Variants in UEVLD observed in about 807,000 individuals in gnomAD.
UEVLD encodes the protein ubiquitin-conjugating enzyme E2 variant 3.
A neutral mutation model predicts 58.6 loss-of-function variants in UEVLD; 47 were observed. The ratio of observed to expected loss-of-function variants is 0.80; its 90% CI spans 0.63 to 1.02. UEVLD has a LOEUF of 1.02. Among genes scored for constraint, UEVLD ranks in the 50% least tolerant of loss-of-function variants. The pLI, the probability that UEVLD is intolerant of heterozygous loss-of-function variation, is 0.00. For synonymous variants in UEVLD, 197 were observed against 195.3 expected, an observed-to-expected ratio of 1.01 and a Z score of -0.07; for missense variants, 510 against 550.6, an observed-to-expected ratio of 0.93 and a Z score of 0.74.
At chr11:18,532,600 TA>T (rs148229574) in intron 11 of UEVLD, 113 bp from the exon 12 acceptor site, 35,528 of 883,724 alleles carry the variant, frequency 0.04, 1,530 homozygotes, top group East Asian at 0.2. Flanking sequence ...AAGTTGGACT[TA>T]AAAAAATTTT....
At chr11:18,560,818 G>A (rs184464498) in intron 6 of UEVLD, among the ~76,000 whole-genome samples, 143 of 152,112 alleles carry the variant, frequency 9.4e-4, no homozygotes, top group African/African-American at 3.3e-3. Flanking sequence ...TGAGAGCCCC[G>A]TAGCCAACAT....
At chr11:18,555,289 G>A (rs971931841) in intron 7 of UEVLD, among the ~76,000 whole-genome samples, 1 of 152,152 alleles carries the variant, frequency 6.6e-6, no homozygotes, top group Non-Finnish European at 1.5e-5. Flanking sequence ...AGCTGGGCAT[G>A]GTGGTGGGCA....
chr11:18,545,716 A>G (rs995260153), intron 8 of UEVLD, among the ~76,000 whole-genome samples: 4 of 152,220 alleles, frequency 2.6e-5, no homozygotes, highest in African/African-American at 9.6e-5. Flanking sequence ...AAGTGCTGTG[A>G]TTACAGGCGT....
chr11:18,536,755 C>CT, intron 9 of UEVLD: 1 of 343,268 alleles, frequency 2.9e-6, no homozygotes. Context: ...ATTTTACTAT[C>CT]TAAGTAGAAA....
intron 7 of UEVLD, among the ~76,000 whole-genome samples, chr11:18,549,473 G>A (rs888977491): frequency 1.5e-4 from 23 of 151,992 alleles, no homozygotes; most frequent in Non-Finnish European, 2.5e-4. Flanking sequence ...CTGGAGTGCA[G>A]TGGTATGCAA....
At chr11:18,577,681 C>A (rs1012523282) in intron 2 of UEVLD, among the ~76,000 whole-genome samples, 7 of 152,046 alleles carry the variant, frequency 4.6e-5, no homozygotes, top group African/African-American at 9.7e-5. Context: ...ACCAGACTGG[C>A]CAACATGGTG....
At position 18,579,528 on chromosome 11, in the gene UEVLD, C is replaced by G. The variant is rs1195755044; in HGVS notation, c.43-720G>C. On this transcript the variant is annotated intron_variant, in intron 1 of 11. Transcript: ENST00000396197. ...CACGGCTCATTCACTTGAGATACCT[C>G]GACTTTCCCCTCCCACCTTCCTGGC... The G allele has an allele frequency of 3.0e-6, 3 of 984,036 alleles. 1 individual carries two copies. In the South Asian group the frequency reaches 1.4e-4, roughly 46 times the overall value. The allele number at this position is 984,036 out of a possible 1,614,324, so 61.0% of individuals were successfully genotyped here.
chr11:18,567,268 A>G (rs1852345363), intron 4 of UEVLD, among the ~76,000 whole-genome samples: 1 of 152,232 alleles, frequency 6.6e-6, no homozygotes, highest in South Asian at 2.1e-4. Flanking sequence ...CAGTGTCATC[A>G]GTAATACAAA....
chr11:18,555,084 G>A (rs1851702458), intron 7 of UEVLD, among the ~76,000 whole-genome samples: 1 of 151,918 alleles, frequency 6.6e-6, no homozygotes, highest in Non-Finnish European at 1.5e-5. Context: ...GAATCCAGGA[G>A]TTCAAGACCA....
At chr11:18,578,622 G>A in intron 2 of UEVLD, 102 bp downstream of exon 2, 1 of 789,892 alleles carries the variant, frequency 1.3e-6, no homozygotes, top group South Asian at 1.5e-5. Context: ...GAAAATCAGA[G>A]GATAAAAGAG....
At chr11:18,559,442 G>T (rs1731679626) in intron 6 of UEVLD, among the ~76,000 whole-genome samples, 1 of 151,914 alleles carries the variant, frequency 6.6e-6, no homozygotes, top group South Asian at 2.1e-4. Flanking sequence ...CAAGTGATCT[G>T]CCTGCCTCGT....
At chr11:18,558,148 G>T in intron 7 of UEVLD, 80 bp downstream of exon 7, 1 of 957,242 alleles carries the variant, frequency 1.0e-6, no homozygotes. Flanking sequence ...TGATCTTTAA[G>T]GTGCTTTTCA....
chr11:18,584,586 A>T (rs1853441751), intron 1 of UEVLD, among the ~76,000 whole-genome samples: 1 of 152,172 alleles, frequency 6.6e-6, no homozygotes, highest in Non-Finnish European at 1.5e-5. Context: ...TCCTGTTTTT[A>T]AAAAATGCTT....
At chr11:18,560,120 CACACACACACACACACACAG>C (rs1386249530) in intron 6 of UEVLD, among the ~76,000 whole-genome samples, 4,934 of 97,544 alleles carry the variant, frequency 0.051, 339 homozygotes, top group African/African-American at 0.15. Flanking sequence ...CACACACACA[CACACACACACACACACACAG>C]AGAGAGAAAG....
intron 1 of UEVLD, among the ~76,000 whole-genome samples, chr11:18,582,658 G>A (rs766677743): frequency 6.6e-6 from 1 of 151,932 alleles, no homozygotes; most frequent in South Asian, 2.1e-4. Flanking sequence ...ATATTAAACA[G>A]TGTATCTTCT....
At chr11:18,584,694 G>A (rs1427258045) in intron 1 of UEVLD, among the ~76,000 whole-genome samples, 6 of 152,070 alleles carry the variant, frequency 3.9e-5, no homozygotes, top group South Asian at 2.1e-4. Flanking sequence ...GTGCAGTGGC[G>A]TGATCTCAGC....
rs1188348430 is a variant in UEVLD at position 18,564,970 on chromosome 11, C to T, written c.534G>A (p.Glu178=). 6.2e-7 allele frequency: 1 copy of T among 1,613,688 alleles called. No individual in the cohort carries two copies. The highest frequency in any genetic ancestry group is 8.5e-7 in the Non-Finnish European group (1 of 1,179,826). Residue 178 remains glutamate (E), a synonymous_variant, in exon 6 of 12, where the codon GAG becomes GAA. Transcript: ENST00000396197. ...CAGTAATTTTATTGACTGTTTTATT[C>T]TCATGATTTGCCCAGCTCTTTGAAT... is the stretch of plus-strand genomic sequence containing the variant. ...DTNSKSWANH[E]NKTVNKITVV...
intron 6 of UEVLD, among the ~76,000 whole-genome samples, chr11:18,559,075 T>A (rs989135464): frequency 6.6e-6 from 1 of 151,962 alleles, no homozygotes; most frequent in Non-Finnish European, 1.5e-5. Flanking sequence ...GGTATCACCA[T>A]GTTGGCCAGG....
At position 18,559,120 on chromosome 11, in the gene UEVLD, C is replaced by T. The variant is rs547779033; in HGVS notation, c.613-790G>A. Among the ~76,000 whole-genome samples the T allele has an allele frequency of 2.6e-5, 4 of 151,826 alleles. 1 individual carries two copies. The highest frequency in any genetic ancestry group is 2.6e-4 in the Admixed American group (4 of 15,270). ...AACTCCTGACCTCAGGTGATGTGCT[C>T]ACCTTGGTCTCCCAAAGTGCTGGAA... is the stretch of plus-strand genomic sequence containing the variant. On this transcript the variant is annotated intron_variant, in intron 6 of 11. Transcript: ENST00000396197.
Sources: allele counts gnomAD v4.1 joint callset (sites outside exome capture counted in the v4.1 genomes callset), GRCh38; gene constraint gnomAD v4.1.1; transcripts MANE v1.5; gene names NCBI Gene and HGNC (gene_info 2026-07-23, HGNC 2026-07-21).